Variants in DIS3L2 observed in about 807,000 individuals in gnomAD.
The protein encoded by DIS3L2 is DIS3-like exonuclease 2.
A neutral mutation model predicts 97.5 loss-of-function variants in DIS3L2; 34 were observed. The observed-to-expected ratio is 0.35, with a 90% confidence interval of 0.27 to 0.46. The LOEUF (loss-of-function observed/expected upper bound fraction) is 0.46, where lower values mean the gene tolerates loss of function less well. DIS3L2 is among the 20% of genes least tolerant of loss of function. The pLI is 1.00. For synonymous variants in DIS3L2, 435 were observed against 445.2 expected (o/e 0.98, Z 0.29); for missense variants, 1,038 against 1,146.0 (o/e 0.91, Z 1.36).
rs1425603774 is a variant in DIS3L2, at chr2:232,334,447, C to T, written c.2237C>T (p.Ser746Phe). 1 of 1,613,950 alleles carries T rather than the reference C, an allele frequency of 6.2e-7. No individual in the cohort carries two copies. The highest frequency in any genetic ancestry group is 1.1e-5 in the South Asian group (1 of 91,082). Residue 746 changes from serine (S) to phenylalanine (F), a missense_variant, in exon 18 of 21, where the codon TCC becomes TTC. By Grantham distance (155) the Ser-to-Phe change is radical. This residue lies in a region of DIS3L2 where 221 missense variants were observed against 246.9 expected (regional missense o/e 0.90). Transcript: ENST00000325385. ...CACTGTAACGACCGCCGCATGGCGTCCAAGCGCGTGCAGGAGCTCAGTACC... is the reference window on the plus strand; with the variant it reads ...CACTGTAACGACCGCCGCATGGCGTTCAAGCGCGTGCAGGAGCTCAGTACC... ...ADHCNDRRMA[S>F]KRVQELSTSL...
At position 231,967,511 on chromosome 2, in the gene DIS3L2, A is replaced by G. The variant is rs527518319; in HGVS notation, c.-94+5746A>G. On this transcript the variant is annotated intron_variant, in intron 1 of 20. Transcript: ENST00000325385. ...CACTGTTAGCTTTAATCACTTTTAAAAGGTTGAATGCAAAACTCTAGCAAC... is the reference window on the plus strand; with the variant it reads ...CACTGTTAGCTTTAATCACTTTTAAGAGGTTGAATGCAAAACTCTAGCAAC... Among the ~76,000 whole-genome samples the G allele has an allele frequency of 1.8e-4, 27 of 152,300 alleles. No individual in the cohort carries two copies. The South Asian group carries it at 5.6e-3, about 32-fold the overall frequency.
intron 14 of DIS3L2, chr2:232,329,081 G>A (rs2106347075): frequency 6.6e-6 from 1 of 152,476 alleles, no homozygotes; most frequent in Admixed American, 6.5e-5. Flanking sequence ...TGAGTCTAAT[G>A]ACAGACACCC....
At chr2:232,290,923 A>G (rs1343469076) in intron 13 of DIS3L2, among the ~76,000 whole-genome samples, 1 of 152,252 alleles carries the variant, frequency 6.6e-6, no homozygotes, top group East Asian at 1.9e-4. Flanking sequence ...CCAAGGTGCC[A>G]GAAATCTCCA....
chr2:232,172,295 T>A (rs969947952), intron 9 of DIS3L2, among the ~76,000 whole-genome samples: 1 of 152,160 alleles, frequency 6.6e-6, no homozygotes, highest in African/African-American at 2.4e-5. Context: ...CAGTCACTCC[T>A]CATTCCCTCT....
In DIS3L2 at chr2:232,334,729, C is replaced by T. The variant is rs772450427; in HGVS notation, c.2388C>T (p.Tyr796=). 6 of 1,604,532 alleles carry T rather than the reference C, an allele frequency of 3.7e-6. No individual in the cohort carries two copies. The South Asian group carries it at 5.6e-5, about 15-fold the overall frequency. ...GCTACGGCGTGCAGAAGCGCATCTA[C>T]TGCAACGTGAGTGCCCTGGGAGAGC... The part of the protein sequence containing the change: ...VLRYGVQKRI[Y]CNALALRSHH... The change falls in exon 19 of 21, where the codon TAC becomes TAT. Residue 796 remains tyrosine, a synonymous_variant. Coordinates refer to ENST00000325385, the MANE Select transcript of DIS3L2 (RefSeq NM_152383.5).
intron 9 of DIS3L2, among the ~76,000 whole-genome samples, chr2:232,185,246 T>A (rs1347089339): frequency 6.6e-6 from 1 of 152,200 alleles, no homozygotes; most frequent in Non-Finnish European, 1.5e-5. Flanking sequence ...ATATAGGGTA[T>A]GTTTTCTGAC....
intron 5 of DIS3L2, among the ~76,000 whole-genome samples, chr2:232,079,593 C>CT (rs1456406439): frequency 1.1e-5 from 1 of 90,878 alleles, no homozygotes; most frequent in East Asian, 4.1e-4. Context: ...GAGCAAGACT[C>CT]TATCTCAAAA....
chr2:232,343,470 T>A, exon 14 of DIS3L2: 2 of 1,555,762 alleles, frequency 1.3e-6, no homozygotes, highest in Non-Finnish European at 1.7e-6. Context: ...GTGACAGGGA[T>A]CCAGACACAC....
chr2:232,011,848 G>A (rs955321979), intron 1 of DIS3L2, among the ~76,000 whole-genome samples: 10 of 144,346 alleles, frequency 6.9e-5, no homozygotes, highest in Admixed American at 3.5e-4. Flanking sequence ...ACCGGGTTTC[G>A]CCATGTTGCC....
At chr2:232,099,179 G>C (rs987381776) in intron 6 of DIS3L2, among the ~76,000 whole-genome samples, 1 of 150,824 alleles carries the variant, frequency 6.6e-6, no homozygotes, top group Admixed American at 6.6e-5. Context: ...AAAAATACAT[G>C]ATTGGATTCA....
At chr2:232,264,828 T>C (rs1693812776) in intron 13 of DIS3L2, among the ~76,000 whole-genome samples, 1 of 152,206 alleles carries the variant, frequency 6.6e-6, no homozygotes, top group African/African-American at 2.4e-5. Context: ...TGGCTGCCAT[T>C]GGGACCAGTG....
Position 232,318,621 on chromosome 2 carries a change from G to A in DIS3L2, c.1740-11192G>A, listed in dbSNP as rs551205792. 9.1e-4 allele frequency among the ~76,000 whole-genome samples: 139 copies of A among 152,332 alleles called. 1 individual carries two copies. The highest frequency in any genetic ancestry group is 3.0e-3 in the African/African-American group (125 of 41,582). The stretch of plus-strand genomic sequence containing the variant: ...GAGCACCCCGCATGGGAAGGCCAGC[G>A]CGGCAGGGTGCTGGGTGCTGTTGCC... On this transcript the variant is annotated intron_variant, in intron 14 of 20. Coordinates refer to ENST00000325385, the MANE Select transcript of DIS3L2 (RefSeq NM_152383.5).
chr2:232,297,117 G>A (rs1022974150), intron 13 of DIS3L2, among the ~76,000 whole-genome samples: 3 of 152,100 alleles, frequency 2.0e-5, no homozygotes, highest in African/African-American at 4.8e-5. Flanking sequence ...CTGCACCTCC[G>A]TAAGCCAAAT....
intron 9 of DIS3L2, among the ~76,000 whole-genome samples, chr2:232,175,073 C>A (rs1278874663): frequency 6.6e-6 from 1 of 152,126 alleles, no homozygotes; most frequent in Non-Finnish European, 1.5e-5. Flanking sequence ...AAGTGATCTG[C>A]CCGCCCCGGC....
At position 232,336,741 on chromosome 2, in the gene DIS3L2, G is replaced by T; in HGVS notation, c.*111G>T. 4.0e-6 allele frequency: 6 copies of T among 1,490,332 alleles called. No homozygotes were observed. Among genetic ancestry groups the T allele is most frequent in the Admixed American group, 2.7e-5 (1 of 36,958 alleles). The allele number at this position is 1,490,332 out of a possible 1,614,324, so 92.3% of individuals were successfully genotyped here. The stretch of plus-strand genomic sequence containing the variant: ...TAATTTGGTTTTTAACAACTCAGGG[G>T]TTTGTTTTTATTTTTATTTAATTTT... On this transcript the variant is annotated 3_prime_UTR_variant, in exon 21 of 21. Coordinates refer to ENST00000325385, the MANE Select transcript of DIS3L2 (RefSeq NM_152383.5).
chr2:232,190,016 G>A (rs1343292707), intron 9 of DIS3L2, among the ~76,000 whole-genome samples: 2 of 152,164 alleles, frequency 1.3e-5, no homozygotes, highest in Non-Finnish European at 2.9e-5. Context: ...TAGGATTTTA[G>A]TATGCTTTTG....
chr2:232,339,636 G>A, downstream of DIS3L2: 2 of 443,750 alleles, frequency 4.5e-6, no homozygotes, highest in Non-Finnish European at 9.2e-6. Flanking sequence ...AGGGTGTTCA[G>A]AGAACAAGGC....
intron 8 of DIS3L2, among the ~76,000 whole-genome samples, chr2:232,159,189 A>G (rs539663365): frequency 6.6e-6 from 1 of 152,320 alleles, no homozygotes; most frequent in African/African-American, 2.4e-5. Context: ...TGACCTGAAA[A>G]GGGATGTGAA....
intron 6 of DIS3L2, among the ~76,000 whole-genome samples, chr2:232,124,115 C>T (rs528972435): frequency 6.6e-6 from 1 of 152,310 alleles, no homozygotes; most frequent in Admixed American, 6.5e-5. Flanking sequence ...ACAGAAGCAG[C>T]TCTTCAAAAA....
Sources: allele counts gnomAD v4.1 joint callset (sites outside exome capture counted in the v4.1 genomes callset), GRCh38; gene constraint gnomAD v4.1.1; regional missense constraint gnomAD v4.1.1; transcripts MANE v1.5; gene names NCBI Gene and HGNC (gene_info 2026-07-23, HGNC 2026-07-21).